The following ARL15 variants were observed in gnomAD, a reference collection of about 807,000 sequenced individuals.
ARL15 encodes ARF like GTPase 15.
ARL15 carries 19 observed loss-of-function variants against 25.2 expected under a neutral mutation model. The ratio of observed to expected loss-of-function variants is 0.75; its 90% CI spans 0.53 to 1.10. The LOEUF (loss-of-function observed/expected upper bound fraction) is 1.10, where lower values mean the gene tolerates loss of function less well. Among genes scored for constraint, ARL15 ranks in the 50% least tolerant of loss-of-function variants. The probability of loss-of-function intolerance (pLI) is 0.00; values close to 1 mark genes in which losing one functional copy is unlikely to be tolerated. For synonymous variants in ARL15, 94 were observed against 86.8 expected, an observed-to-expected ratio of 1.08 and a Z score of -0.46; for missense variants, 220 against 246.0, an observed-to-expected ratio of 0.89 and a Z score of 0.71.
intron 4 of ARL15, among the ~76,000 whole-genome samples, chr5:54,088,343 C>A (rs1752037152): frequency 6.6e-6 from 1 of 152,034 alleles, no homozygotes; most frequent in Non-Finnish European, 1.5e-5. Flanking sequence ...ACTGAAATGG[C>A]AGAAAATGTG....
At chr5:54,182,488 G>A (rs953330069) in intron 1 of ARL15, among the ~76,000 whole-genome samples, 1 of 151,504 alleles carries the variant, frequency 6.6e-6, no homozygotes, top group African/African-American at 2.4e-5. Flanking sequence ...TGAGGGCTTT[G>A]TTCTGTTCCA....
At chr5:54,273,556 G>A (rs12332445) in intron 1 of ARL15, among the ~76,000 whole-genome samples, 6,190 of 152,234 alleles carry the variant, frequency 0.041, 304 homozygotes, top group African/African-American at 0.11. Context: ...AATACCTACT[G>A]TCTGGATAAC....
chr5:54,297,476 G>C (rs1483779982), intron 1 of ARL15, among the ~76,000 whole-genome samples: 1 of 152,272 alleles, frequency 6.6e-6, no homozygotes, highest in Non-Finnish European at 1.5e-5. Context: ...AGGGCAGTTT[G>C]TGAGGTTAGC....
intron 4 of ARL15, among the ~76,000 whole-genome samples, chr5:54,046,454 C>A (rs1013267007): frequency 6.6e-6 from 1 of 152,160 alleles, no homozygotes; most frequent in Non-Finnish European, 1.5e-5. Context: ...GCACTCCAGC[C>A]TGGGCACGAG....
chr5:53,951,160 T>A (rs10052240), intron 4 of ARL15, among the ~76,000 whole-genome samples: 406 of 152,370 alleles, frequency 2.7e-3, no homozygotes, highest in African/African-American at 9.4e-3. Context: ...TTTGTTTATA[T>A]ATTGTCTATT....
chr5:54,310,415 C>G lies in ARL15; in HGVS notation c.48+17G>C. 1.2e-6 allele frequency: 2 copies of G among 1,607,436 alleles called. No homozygotes were observed. Among genetic ancestry groups the G allele is most frequent in the Non-Finnish European group, 1.7e-6 (2 of 1,177,104 alleles). On this transcript the variant is annotated intron_variant, in intron 1 of 4. Transcript: ENST00000504924. ...CGAGATCCGAGAGGCGACATGCCACCCCTGCCCTGCACCTACCAGATAATC... is the reference window on the plus strand; with the variant it reads ...CGAGATCCGAGAGGCGACATGCCACGCCTGCCCTGCACCTACCAGATAATC...
At chr5:53,984,169 G>A (rs1237831560) in intron 4 of ARL15, among the ~76,000 whole-genome samples, 1 of 152,068 alleles carries the variant, frequency 6.6e-6, no homozygotes, top group African/African-American at 2.4e-5. Flanking sequence ...CTCATATCAT[G>A]GACTCATTCT....
At chr5:54,033,407 C>T (rs1202177062) in intron 4 of ARL15, among the ~76,000 whole-genome samples, 4 of 152,018 alleles carry the variant, frequency 2.6e-5, no homozygotes, top group Admixed American at 1.3e-4. Flanking sequence ...CAGTGGCCCA[C>T]GCCTGTGATC....
intron 1 of ARL15, among the ~76,000 whole-genome samples, chr5:54,215,695 T>C (rs553860120): frequency 6.6e-6 from 1 of 151,366 alleles, no homozygotes; most frequent in East Asian, 2.0e-4. Flanking sequence ...ACCCATTGTA[T>C]TGGAAAAGGC....
intron 4 of ARL15, among the ~76,000 whole-genome samples, chr5:53,905,229 G>C (rs987321931): frequency 6.6e-6 from 1 of 152,086 alleles, no homozygotes; most frequent in African/African-American, 2.4e-5. Context: ...TCCACTGTCA[G>C]AATCAATACT....
At chr5:54,232,434 T>G (rs1438786660) in intron 1 of ARL15, among the ~76,000 whole-genome samples, 1 of 152,132 alleles carries the variant, frequency 6.6e-6, no homozygotes, top group East Asian at 1.9e-4. Flanking sequence ...AAGCAATGGC[T>G]CCTTACTATC....
intron 1 of ARL15, among the ~76,000 whole-genome samples, chr5:54,196,176 T>A (rs1755543743): frequency 6.6e-6 from 1 of 152,126 alleles, no homozygotes; most frequent in African/African-American, 2.4e-5. Flanking sequence ...AGAAAATACC[T>A]TAAAGAGTAT....
At chr5:54,253,696 T>C (rs1271020603) in intron 1 of ARL15, among the ~76,000 whole-genome samples, 2 of 151,906 alleles carry the variant, frequency 1.3e-5, no homozygotes, top group Non-Finnish European at 2.9e-5. Context: ...GCTCAGGTGA[T>C]CCTCCCACCT....
At chr5:54,247,010 A>G (rs898561900) in intron 1 of ARL15, among the ~76,000 whole-genome samples, 1 of 152,204 alleles carries the variant, frequency 6.6e-6, no homozygotes, top group African/African-American at 2.4e-5. Flanking sequence ...CCTTATCAGC[A>G]AAGACTGTAT....
chr5:54,172,003 CTGAG>C lies in ARL15; in HGVS notation c.49-79_49-76del, dbSNP rs980792089. On this transcript the variant is annotated intron_variant, in intron 1 of 4. Coordinates refer to ENST00000504924, the MANE Select transcript of ARL15 (RefSeq NM_019087.3). ...TAAACCATAGTCACATTTAAAATGA[CTGAG>C]TAAGTATTAAGAGGTAATTGAATAA... is the stretch of plus-strand genomic sequence containing the variant. 50 of 1,532,666 alleles carry C rather than the reference CTGAG, an allele frequency of 3.3e-5. No individual in the cohort carries two copies. The East Asian group carries it at 3.7e-4, about 11-fold the overall frequency. The allele number at this position is 1,532,666 out of a possible 1,614,324, so 94.9% of individuals were successfully genotyped here.
chr5:54,183,292 T>C (rs1195940076), intron 1 of ARL15, among the ~76,000 whole-genome samples: 1 of 111,194 alleles, frequency 9.0e-6, no homozygotes, highest in Non-Finnish European at 1.9e-5. Flanking sequence ...GGGTTTGTCA[T>C]AGATAGCTCT....
At chr5:53,984,636 T>G (rs952085529) in intron 4 of ARL15, among the ~76,000 whole-genome samples, 1 of 152,208 alleles carries the variant, frequency 6.6e-6, no homozygotes, top group Admixed American at 6.5e-5. Flanking sequence ...ATGTATTACC[T>G]GGTAATAACT....
chr5:54,235,943 G>C (rs1032724360), intron 1 of ARL15, among the ~76,000 whole-genome samples: 4 of 152,086 alleles, frequency 2.6e-5, no homozygotes, highest in Non-Finnish European at 5.9e-5. Context: ...TTAATTCAAA[G>C]AACTGTATGA....
In ARL15 at chr5:54,043,846, TAA is replaced by T. The variant is rs34949977; in HGVS notation, c.462+69354_462+69355del. 3.4e-3 allele frequency among the ~76,000 whole-genome samples: 492 copies of T among 142,984 alleles called. 1 individual carries two copies. The highest frequency in any genetic ancestry group is 0.026 in the Middle Eastern group (7 of 272). The allele number at this position is 142,984 out of a possible 152,430, so 93.8% of individuals were successfully genotyped here. A position where few individuals can be genotyped will look rare whatever the true frequency, so the allele number is the denominator to read the frequency against. On this transcript the variant is annotated intron_variant, in intron 4 of 4. Transcript: ENST00000504924. ...GGGAACATGGCAAGACCCCATCTCT[TAA>T]AAAAAAAAAAAAAAATTAGCCAGGT... is the stretch of plus-strand genomic sequence containing the variant.
Sources: gnomAD v4.1 joint callset for allele counts (sites outside exome capture counted in the v4.1 genomes callset) on GRCh38, gnomAD v4.1.1 for gene constraint, MANE v1.5 for transcripts, NCBI Gene and HGNC (gene_info 2026-07-23, HGNC 2026-07-21) for gene names.